Variants in FHAD1 observed in about 807,000 individuals in gnomAD.
FHAD1 encodes the protein forkhead associated phosphopeptide binding domain 1, also known as forkhead-associated domain-containing protein 1.
In FHAD1, 146 loss-of-function variants were observed where a neutral mutation model predicts 191.3. The observed-to-expected ratio is 0.76, with a 90% CI of 0.67 to 0.88. The LOEUF (loss-of-function observed/expected upper bound fraction) is 0.88, where lower values mean the gene tolerates loss of function less well. Ranked by LOEUF, FHAD1 falls within the 40% of genes least tolerant of loss-of-function variation. FHAD1 has a pLI of 0.00. For missense variants in FHAD1, 1,635 were observed against 1,785.8 expected (o/e 0.92, Z 1.52); for synonymous variants, 616 against 672.3 (o/e 0.92, Z 1.29).
Position 15,277,329 on chromosome 1 carries a change from G to A in FHAD1, c.300+4800G>A, listed in dbSNP as rs1246787843. ...GTGCAGTGAAGAACACAAAGGCTTTGGAGTACGATAGACTGAAGTTCAAAC... is the reference window on the plus strand; with the variant it reads ...GTGCAGTGAAGAACACAAAGGCTTTAGAGTACGATAGACTGAAGTTCAAAC... On this transcript the variant is annotated intron_variant, in intron 3 of 33. Coordinates refer to ENST00000688493, the MANE Select transcript of FHAD1 (RefSeq NM_001391957.1). 3.9e-5 allele frequency among the ~76,000 whole-genome samples: 6 copies of A among 152,302 alleles called. No homozygotes were observed. In the East Asian group the frequency reaches 1.2e-3, roughly 29 times the overall value.
In FHAD1 at chr1:15,272,377, A is replaced by G. The variant is rs1276427831; in HGVS notation, c.148A>G (p.Ser50Gly). 1 of 1,551,602 alleles carries G rather than the reference A, an allele frequency of 6.4e-7. No individual in the cohort carries two copies. Among genetic ancestry groups the G allele is most frequent in the African/African-American group, 1.4e-5 (1 of 73,032 alleles). ...ALIEYNEAEC[S>G]FVLQDFNSRN... ...CATTGAATATAACGAGGCGGAGTGC[A>G]GCTTTGTTCTCCAGGACTTCAATTC... is the stretch of plus-strand genomic sequence containing the variant. The change falls in exon 3 of 34, where the codon AGC (serine) becomes GGC (glycine). Residue 50 changes from serine (S) to glycine (G), a missense_variant. Coordinates refer to ENST00000688493, the MANE Select transcript of FHAD1 (RefSeq NM_001391957.1).
At chr1:15,385,599 C>A (rs1214998350) in intron 31 of FHAD1, among the ~76,000 whole-genome samples, 1 of 151,728 alleles carries the variant, frequency 6.6e-6, no homozygotes, top group Non-Finnish European at 1.5e-5. Context: ...TAGCAAGACA[C>A]CACCTCTAAA....
intron 10 of FHAD1, among the ~76,000 whole-genome samples, chr1:15,321,821 A>G (rs141288332): frequency 4.1e-4 from 63 of 152,332 alleles, no homozygotes; most frequent in Non-Finnish European, 8.5e-4. Flanking sequence ...ATGTGTGTGC[A>G]TGTGTGTGTA....
At position 15,329,552 on chromosome 1, in the gene FHAD1, CT is replaced by C; in HGVS notation, c.1906+18del. The C allele has an allele frequency of 6.5e-7, 1 of 1,549,178 alleles. No individual in the cohort carries two copies. The highest frequency in any genetic ancestry group is 8.7e-7 in the Non-Finnish European group (1 of 1,145,562). On this transcript the variant is annotated intron_variant, in intron 14 of 33. Transcript: ENST00000688493. This position sits in a 1 kb window ranked among gnomAD's most constrained non-coding sequence, Gnocchi z 5.0. Reference sequence around the variant, plus strand: ...CCAGCCCCAACAAAGGTTACTGGGACTTTTTTTCTCACATGGTTGCATGACT... The same window carrying C: ...CCAGCCCCAACAAAGGTTACTGGGACTTTTTTCTCACATGGTTGCATGACT...
chr1:15,239,230 A>G lies in FHAD1; in HGVS notation c.-15+2469A>G, dbSNP rs184737568. 2.6e-5 allele frequency among the ~76,000 whole-genome samples: 4 copies of G among 152,176 alleles called. No individual in the cohort carries two copies. In the East Asian group the frequency reaches 7.7e-4, roughly 29 times the overall value. ...CCCCTAAACTCATTCATTTATTTAA[A>G]TCCTTATTGAATGTTGGCTGCATGT... On this transcript the variant is annotated intron_variant, in intron 1 of 33. Transcript: ENST00000683790.
intron 26 of FHAD1, among the ~76,000 whole-genome samples, chr1:15,374,207 G>A (rs532564720): frequency 2.6e-5 from 4 of 152,264 alleles, no homozygotes; most frequent in East Asian, 1.9e-4. Flanking sequence ...GCATGACAGC[G>A]AATGGAAACC....
chr1:15,307,655 C>T lies in FHAD1; in HGVS notation c.916-958C>T, dbSNP rs565670062. Among the ~76,000 whole-genome samples, 9 of 152,156 alleles carry T rather than the reference C, an allele frequency of 5.9e-5. No individual in the cohort carries two copies. In the East Asian group the frequency reaches 9.6e-4, roughly 16 times the overall value. ...TCAGGGGTTTCCACTTTTGCTTTTT[C>T]GTCATTTTCTCTTGCCGCTGCCATG... On this transcript the variant is annotated intron_variant, in intron 6 of 33. Coordinates refer to ENST00000688493, the MANE Select transcript of FHAD1 (RefSeq NM_001391957.1).
Position 15,248,726 on chromosome 1 carries a change from C to T in FHAD1, c.-15+1331C>T, listed in dbSNP as rs535929500. On this transcript the variant is annotated intron_variant, in intron 1 of 33. Transcript: ENST00000688493. ...TCAGACTTCCGATTAGCTGGGACTA[C>T]AGGTGCAAGCCACCATGCCCGGCTA... 3.3e-5 allele frequency among the ~76,000 whole-genome samples: 5 copies of T among 152,086 alleles called. No individual in the cohort carries two copies. In the East Asian group the frequency reaches 9.7e-4, roughly 29 times the overall value.
chr1:15,376,724 A>C (rs1258082608), intron 28 of FHAD1, among the ~76,000 whole-genome samples: 2 of 152,176 alleles, frequency 1.3e-5, no homozygotes, highest in Non-Finnish European at 2.9e-5. Context: ...TTAATAAATG[A>C]TAGATGTTAT....
In FHAD1 at chr1:15,316,328, C is replaced by T. The variant is rs1346535748; in HGVS notation, c.1171-50C>T. The T allele has an allele frequency of 2.7e-6, 4 of 1,482,794 alleles. No individual in the cohort carries two copies. Among genetic ancestry groups the T allele is most frequent in the Non-Finnish European group, 3.7e-6 (4 of 1,086,462 alleles). The allele number at this position is 1,482,794 out of a possible 1,614,324, so 91.9% of individuals were successfully genotyped here. Reference sequence around the variant, plus strand: ...TTGGAGCCCCTCCTTCCCCCGACAACCCTACCTGGCCAACGTTGGCCTCTT... The same window carrying T: ...TTGGAGCCCCTCCTTCCCCCGACAATCCTACCTGGCCAACGTTGGCCTCTT... On this transcript the variant is annotated intron_variant, in intron 8 of 33. Coordinates refer to ENST00000688493, the MANE Select transcript of FHAD1 (RefSeq NM_001391957.1). This position sits in a 1 kb window ranked among gnomAD's most constrained non-coding sequence, Gnocchi z 4.3.
At chr1:15,269,666 T>C (rs927366209) in intron 2 of FHAD1, among the ~76,000 whole-genome samples, 2 of 152,236 alleles carry the variant, frequency 1.3e-5, no homozygotes, top group Non-Finnish European at 2.9e-5. Context: ...TAAATATCAA[T>C]TAGATCTTGT....
At chr1:15,384,697 G>A (rs1437874290) in intron 31 of FHAD1, 2 of 152,202 alleles carry the variant, frequency 1.3e-5, no homozygotes, top group East Asian at 1.9e-4. Flanking sequence ...CTGGAGCTGG[G>A]AACTTTCAAA....
chr1:15,375,869 G>A, intron 28 of FHAD1, 139 bp downstream of exon 28: 1 of 885,446 alleles, frequency 1.1e-6, no homozygotes. Context: ...ACTAGCTGGG[G>A]CCCCGACCAT....
chr1:15,256,139 T>C (rs1258599273), intron 2 of FHAD1, among the ~76,000 whole-genome samples: 1 of 152,234 alleles, frequency 6.6e-6, no homozygotes, highest in Admixed American at 6.5e-5. Flanking sequence ...ATGTTTATAG[T>C]TGGATGTGGC....
At chr1:15,336,621 A>C (rs551929547) in intron 14 of FHAD1, among the ~76,000 whole-genome samples, 3 of 152,218 alleles carry the variant, frequency 2.0e-5, no homozygotes, top group South Asian at 4.2e-4. Flanking sequence ...TCCTGAAAAA[A>C]ATCATTCTTC....
chr1:15,328,710 T>C, intron 13 of FHAD1: 1 of 293,342 alleles, frequency 3.4e-6, no homozygotes. Flanking sequence ...ATTGTTTTCA[T>C]AGCCCCTATG....
chr1:15,388,488 A>T (rs1246063101), intron 32 of FHAD1: 3 of 817,296 alleles, frequency 3.7e-6, no homozygotes, highest in Non-Finnish European at 4.8e-6. Context: ...TAGGCCACTA[A>T]GTAACTTGGG....
In FHAD1 at chr1:15,329,390, G is replaced by A; in HGVS notation, c.1755G>A (p.Glu585=). 2 of 1,550,942 alleles carry A rather than the reference G, an allele frequency of 1.3e-6. No homozygotes were observed. The highest frequency in any genetic ancestry group is 1.7e-6 in the Non-Finnish European group (2 of 1,146,662). The change falls in exon 14 of 34, where the codon GAG becomes GAA. Residue 585 remains glutamate (E), a synonymous_variant. Coordinates refer to ENST00000688493, the MANE Select transcript of FHAD1 (RefSeq NM_001391957.1). This position sits in a 1 kb window ranked among gnomAD's most constrained non-coding sequence, Gnocchi z 5.0. ...GTTGCAGCCATGACCTGAAGAAGGA[G>A]GTCGACCTTCTTCAGCACCTCCAGG... is the stretch of plus-strand genomic sequence containing the variant. ...ISCCSHDLKK[E]VDLLQHLQVS...
intron 2 of FHAD1, among the ~76,000 whole-genome samples, chr1:15,270,003 T>G (rs755341538): frequency 5.9e-4 from 89 of 149,946 alleles, no homozygotes; most frequent in Non-Finnish European, 1.1e-3. Flanking sequence ...CTCCACCTAC[T>G]GGGTTCAAGT....
Sources: allele counts gnomAD v4.1 joint callset (sites outside exome capture counted in the v4.1 genomes callset), GRCh38; gene constraint gnomAD v4.1.1; non-coding constraint Gnocchi (gnomAD v3.1); transcripts MANE v1.5; gene names NCBI Gene and HGNC (gene_info 2026-07-23, HGNC 2026-07-21).